Variants in PLCD1 observed in about 807,000 individuals in gnomAD.
The protein encoded by PLCD1 is 1-phosphatidylinositol 4,5-bisphosphate phosphodiesterase delta-1.
Under a neutral mutation model 87.4 loss-of-function variants are expected in PLCD1, and 71 were observed. The observed-to-expected ratio is 0.81, with a 90% CI of 0.67 to 0.99. The LOEUF is 0.99. PLCD1 is among the 50% of genes least tolerant of loss of function. The pLI is 0.00. For missense variants in PLCD1, 867 were observed against 1,001.5 expected (o/e 0.87, Z 1.81); for synonymous variants, 348 against 399.2 (o/e 0.87, Z 1.53).
chr3:38,020,906 G>A (rs552912945), intron 1 of PLCD1, among the ~76,000 whole-genome samples: 81 of 152,212 alleles, frequency 5.3e-4, no homozygotes, highest in Non-Finnish European at 9.4e-4. Flanking sequence ...CCTAGGTTCA[G>A]GTGCCCTTCC....
intron 3 of PLCD1, among the ~76,000 whole-genome samples, chr3:38,013,281 T>C (rs1053333915): frequency 4.0e-5 from 6 of 151,372 alleles, no homozygotes; most frequent in Admixed American, 6.6e-5. Context: ...GGCGCAATCT[T>C]GGCTCACTGC....
In PLCD1 at chr3:38,009,154, G is replaced by T; in HGVS notation, c.1611C>A (p.Asn537Lys). ...GCCCCACGTTGTGGCGGACAAAGCC[G>T]TTTCCTGAGGGGAGGTGTGGTTCGG... ...RALRLLQESG[N>K]GFVRHNVGHL... The change falls in exon 11 of 15, where the codon AAC becomes AAA. Residue 537 changes from asparagine (N) to lysine (K), a missense_variant. Physicochemically the swap from Asn to Lys is moderately conservative, Grantham distance 94 (BLOSUM62 0). Transcript: ENST00000334661. The T allele has an allele frequency of 6.2e-7, 1 of 1,614,134 alleles. No individual in the cohort carries two copies.
At position 38,017,581 on chromosome 3, in the gene PLCD1, C is replaced by T. The variant is rs9847080; in HGVS notation, c.200-862G>A. 1.3e-5 allele frequency among the ~76,000 whole-genome samples: 2 copies of T among 152,148 alleles called. No homozygotes were observed. Among genetic ancestry groups the T allele is most frequent in the African/African-American group, 4.8e-5 (2 of 41,438 alleles). On this transcript the variant is annotated intron_variant, in intron 2 of 14. Coordinates refer to ENST00000334661, the MANE Select transcript of PLCD1 (RefSeq NM_006225.4). This position sits in a 1 kb window ranked among gnomAD's most constrained non-coding sequence, Gnocchi z 4.7. Reference sequence around the variant, plus strand: ...TGTCTACCCCCGCTTCCAATGTGCCCTCCATGGCCTGGCCAGGAGCCAGTT... The same window carrying T: ...TGTCTACCCCCGCTTCCAATGTGCCTTCCATGGCCTGGCCAGGAGCCAGTT...
chr3:38,022,897 G>T (rs1307154246), intron 1 of PLCD1, among the ~76,000 whole-genome samples: 1 of 151,408 alleles, frequency 6.6e-6, no homozygotes, highest in Non-Finnish European at 1.5e-5. Context: ...TGGTGCAAAA[G>T]TAATCACGGT....
At position 38,008,360 on chromosome 3, in the gene PLCD1, G is replaced by A. The variant is rs374629231; in HGVS notation, c.1910C>T (p.Ser637Leu). Reference sequence around the variant, plus strand: ...GTTGACTTTTGGCAGCTGCTGCCCCGAAATGACCTGAGGAAAGGCAGAGGA... The same window carrying A: ...GTTGACTTTTGGCAGCTGCTGCCCCAAAATGACCTGAGGAAAGGCAGAGGA... Reference protein sequence around the residue: ...ARKRLNIRVISGQQLPKVNKN... With the variant: ...ARKRLNIRVILGQQLPKVNKN... The change falls in exon 13 of 15, where the codon TCG (serine) becomes TTG (leucine). Residue 637 changes from serine to leucine, a missense_variant. Coordinates refer to ENST00000334661, the MANE Select transcript of PLCD1 (RefSeq NM_006225.4). The A allele has an allele frequency of 2.7e-5, 43 of 1,614,074 alleles. No individual in the cohort carries two copies. The highest frequency in any genetic ancestry group is 1.2e-4 in the African/African-American group (9 of 74,940).
rs572697781 is a variant in PLCD1, at chr3:38,024,407, C to T, written c.35-4055G>A. The T allele has an allele frequency of 3.2e-5, 51 of 1,612,620 alleles. No homozygotes were observed. In the South Asian group the frequency reaches 5.2e-4, roughly 16 times the overall value. On this transcript the variant is annotated intron_variant, in intron 1 of 14. Coordinates refer to ENST00000334661, the MANE Select transcript of PLCD1 (RefSeq NM_006225.4). The stretch of plus-strand genomic sequence containing the variant: ...GCAGGTAGAGCTCCCTGGAGCGGCT[C>T]CGGCTCCGGATCCCCAGGCACTGCA...
intron 14 of PLCD1, 57 bp from the exon 15 acceptor site, chr3:38,007,915 G>A: frequency 2.5e-6 from 4 of 1,605,448 alleles, no homozygotes; most frequent in East Asian, 2.2e-5. Context: ...TTCGGCGGCG[G>A]AGGGGGGGTG....
rs779909258 is a variant in PLCD1 at position 38,024,340 on chromosome 3, G to C, written c.35-3988C>G. On this transcript the variant is annotated intron_variant, in intron 1 of 14. Coordinates refer to ENST00000334661, the MANE Select transcript of PLCD1 (RefSeq NM_006225.4). Reference sequence around the variant, plus strand: ...CGGAGTGCTCTGCGCCCCTTACCCAGCCTCCGTCCATTGAGCGCCGCCACC... The same window carrying C: ...CGGAGTGCTCTGCGCCCCTTACCCACCCTCCGTCCATTGAGCGCCGCCACC... The C allele has an allele frequency of 1.6e-5, 25 of 1,612,446 alleles. No individual in the cohort carries two copies. Among genetic ancestry groups the C allele is most frequent in the Admixed American group, 1.7e-5 (1 of 59,974 alleles).
At position 38,025,967 on chromosome 3, in the gene PLCD1, A is replaced by G. The variant is rs1159522375; in HGVS notation, c.34+3539T>C. 1.3e-5 allele frequency among the ~76,000 whole-genome samples: 2 copies of G among 152,234 alleles called. No individual in the cohort carries two copies. The highest frequency in any genetic ancestry group is 1.5e-5 in the Non-Finnish European group (1 of 68,034). On this transcript the variant is annotated intron_variant, in intron 1 of 14. Transcript: ENST00000334661. This position sits in a 1 kb window ranked among gnomAD's most constrained non-coding sequence, Gnocchi z 4.0. The stretch of plus-strand genomic sequence containing the variant: ...TAACAAGAAACTGAAGCGCAGAGTA[A>G]CTTGCCTAAGGTCATATCAGAGAGA...
intron 1 of PLCD1, among the ~76,000 whole-genome samples, chr3:38,022,853 C>A (rs1022467093): frequency 1.3e-5 from 2 of 152,150 alleles, no homozygotes; most frequent in Admixed American, 1.3e-4. Context: ...GCACCCCTCA[C>A]CCAGCCCTAC....
At position 38,029,641 on chromosome 3, in the gene PLCD1, A is replaced by G. The variant is rs1237177246; in HGVS notation, c.-102T>C. The G allele has an allele frequency of 7.4e-6, 8 of 1,076,626 alleles. No individual in the cohort carries two copies. The highest frequency in any genetic ancestry group is 1.1e-5 in the Non-Finnish European group (8 of 748,170). The allele number at this position is 1,076,626 out of a possible 1,614,324, so 66.7% of individuals were successfully genotyped here. A position where few individuals can be genotyped will look rare whatever the true frequency, so the allele number is the denominator to read the frequency against. On this transcript the variant is annotated 5_prime_UTR_variant, in exon 1 of 15. Coordinates refer to ENST00000334661, the MANE Select transcript of PLCD1 (RefSeq NM_006225.4). ...AGCGGAGTGCGGTGCAGGGACCTGA[A>G]TGGACCGCGGTGGGAGGAGGCCGGG...
chr3:38,011,739 G>C, intron 3 of PLCD1, 66 bp from the exon 4 acceptor site: 1 of 1,550,368 alleles, frequency 6.5e-7, no homozygotes, highest in Non-Finnish European at 8.9e-7. Context: ...CCAGAGCCAT[G>C]GATGGCTCCA....
At chr3:38,024,227 A>G (rs1700274512) in intron 1 of PLCD1, 3 of 952,964 alleles carry the variant, frequency 3.1e-6, no homozygotes, top group Admixed American at 4.7e-5. Context: ...AACATGTCCA[A>G]TTAAAGGCTC....
chr3:38,011,113 T>G, intron 5 of PLCD1, 101 bp downstream of exon 5: 2 of 896,300 alleles, frequency 2.2e-6, no homozygotes, highest in Non-Finnish European at 3.3e-6. Flanking sequence ...AGGCAGCCCC[T>G]TCCCTCCGGT....
intron 1 of PLCD1, among the ~76,000 whole-genome samples, chr3:38,027,692 T>G (rs1240194490): frequency 6.6e-6 from 1 of 152,222 alleles, no homozygotes; most frequent in Non-Finnish European, 1.5e-5. Flanking sequence ...CATCCAGTGC[T>G]GGGGCACCCA....
rs147494366 is a variant in PLCD1 at position 38,010,200 on chromosome 3, G to A, written c.1068C>T (p.His356=). The A allele has an allele frequency of 2.4e-5, 39 of 1,614,116 alleles. No individual in the cohort carries two copies. The African/African-American group carries it at 4.0e-4, about 17-fold the overall frequency. Residue 356 remains histidine (H), a synonymous_variant, in exon 7 of 15, where the codon CAC becomes CAT. Coordinates refer to ENST00000334661, the MANE Select transcript of PLCD1 (RefSeq NM_006225.4). ...DGPNQEPIIY[H]GYTFTSKILF... ...GGATCTTGGAAGTGAAAGTATAGCC[G>A]TGGTAGATGATTGGTTCCTGGTTGG...
Position 38,011,525 on chromosome 3 carries a change from C to A in PLCD1, c.558+19G>T, listed in dbSNP as rs777494822. On this transcript the variant is annotated intron_variant, in intron 4 of 14. Coordinates refer to ENST00000334661, the MANE Select transcript of PLCD1 (RefSeq NM_006225.4). ...GGGCCCCATGGACAGGCAGCCCCAG[C>A]CCCCACTTCCTGCCTCACCCTGAAG... 1.2e-6 allele frequency: 2 copies of A among 1,613,894 alleles called. No homozygotes were observed. Among genetic ancestry groups the A allele is most frequent in the Non-Finnish European group, 1.7e-6 (2 of 1,179,902 alleles).
chr3:38,010,008 G>T lies in PLCD1; in HGVS notation c.1183C>A (p.Leu395Met). Reference sequence around the variant, plus strand: ...CGCGCCATCACGCGCTGCTGCTCCAGTGTGCAGTGGTTCTCCAGGGATAGG... The same window carrying T: ...CGCGCCATCACGCGCTGCTGCTCCATTGTGCAGTGGTTCTCCAGGGATAGG... ...VILSLENHCT[L>M]EQQRVMARHL... The change falls in exon 8 of 15, where the codon CTG (leucine) becomes ATG (methionine). Residue 395 changes from leucine to methionine, a missense_variant. By Grantham distance (15) the Leu-to-Met change is conservative (BLOSUM62 2). Transcript: ENST00000334661. 6.2e-7 allele frequency: 1 copy of T among 1,614,184 alleles called. No homozygotes were observed. Among genetic ancestry groups the T allele is most frequent in the Non-Finnish European group, 8.5e-7 (1 of 1,180,002 alleles).
At position 38,017,198 on chromosome 3, in the gene PLCD1, C is replaced by G. The variant is rs1700171441; in HGVS notation, c.200-479G>C. Reference sequence around the variant, plus strand: ...GACTGTATTGGACTTTGGGTCTGTCCTGACCCGATAAAGCCACAAGAGCCA... The same window carrying G: ...GACTGTATTGGACTTTGGGTCTGTCGTGACCCGATAAAGCCACAAGAGCCA... On this transcript the variant is annotated intron_variant, in intron 2 of 14. Coordinates refer to ENST00000334661, the MANE Select transcript of PLCD1 (RefSeq NM_006225.4). This position sits in a 1 kb window ranked among gnomAD's most constrained non-coding sequence, Gnocchi z 4.7. Among the ~76,000 whole-genome samples the G allele has an allele frequency of 1.3e-5, 2 of 152,028 alleles. No individual in the cohort carries two copies. Among genetic ancestry groups the G allele is most frequent in the African/African-American group, 4.8e-5 (2 of 41,404 alleles).
Sources: allele counts gnomAD v4.1 joint callset (sites outside exome capture counted in the v4.1 genomes callset), GRCh38; gene constraint gnomAD v4.1.1; non-coding constraint Gnocchi (gnomAD v3.1); transcripts MANE v1.5; gene names NCBI Gene and HGNC (gene_info 2026-07-23, HGNC 2026-07-21).